The following COA1 variants were observed in gnomAD, a reference collection of about 807,000 sequenced individuals.
COA1 encodes the protein cytochrome c oxidase assembly factor 1.
A neutral mutation model predicts 16.0 loss-of-function variants in COA1; 13 were observed. The observed-to-expected ratio is 0.81, with a 90% confidence interval of 0.53 to 1.29. The LOEUF is 1.29. COA1 is among the 50% of genes most tolerant of loss of function. The probability of loss-of-function intolerance (pLI) is 0.00; values close to 1 mark genes in which losing one functional copy is unlikely to be tolerated. For missense variants in COA1, 179 were observed against 177.0 expected (o/e 1.01, Z -0.06); for synonymous variants, 65 against 65.7 (o/e 0.99, Z 0.05).
chr7:43,682,276 GA>G (rs1468598682), intron 1 of COA1, among the ~76,000 whole-genome samples: 7 of 152,130 alleles, frequency 4.6e-5, no homozygotes, highest in Non-Finnish European at 1.0e-4. Context: ...GTAGTTAGTA[GA>G]AACAACTTTA....
intron 1 of COA1, among the ~76,000 whole-genome samples, chr7:43,667,406 A>T (rs908218298): frequency 3.3e-5 from 5 of 152,224 alleles, no homozygotes; most frequent in African/African-American, 1.2e-4. Context: ...ATTTTGGTGA[A>T]TACTAATATA....
intron 3 of COA1, chr7:43,647,203 C>T (rs1170934524): frequency 2.2e-5 from 8 of 371,028 alleles, no homozygotes; most frequent in Non-Finnish European, 2.4e-5. Context: ...TGTGAACCAT[C>T]TGGTATTCCC....
At chr7:43,686,130 T>C (rs1319679287) in intron 1 of COA1, among the ~76,000 whole-genome samples, 2 of 152,226 alleles carry the variant, frequency 1.3e-5, no homozygotes, top group African/African-American at 4.8e-5. Flanking sequence ...CTTTACCAGC[T>C]TAACTTTATT....
chr7:43,709,187 C>T (rs1439345523), intron 1 of COA1, among the ~76,000 whole-genome samples: 1 of 151,968 alleles, frequency 6.6e-6, no homozygotes, highest in Non-Finnish European at 1.5e-5. Context: ...CCACACCTGG[C>T]TAATTTTTTG....
At chr7:43,714,676 G>A (rs2095345942) in intron 1 of COA1, among the ~76,000 whole-genome samples, 1 of 150,628 alleles carries the variant, frequency 6.6e-6, no homozygotes, top group African/African-American at 2.4e-5. Context: ...AAAATGATTT[G>A]TATCTGACAC....
chr7:43,714,059 C>T (rs935240940), intron 1 of COA1, among the ~76,000 whole-genome samples: 4 of 151,790 alleles, frequency 2.6e-5, no homozygotes, highest in African/African-American at 9.7e-5. Flanking sequence ...TAGCCAGGCA[C>T]GGTGGTATGC....
chr7:43,619,576 C>T (rs769242964), intron 6 of COA1: 13 of 1,605,522 alleles, frequency 8.1e-6, no homozygotes, highest in East Asian at 2.2e-5. Flanking sequence ...TTGATTTTTG[C>T]GGGGGTGTAT....
At chr7:43,673,037 G>C (rs914984816) in intron 1 of COA1, among the ~76,000 whole-genome samples, 5 of 152,088 alleles carry the variant, frequency 3.3e-5, no homozygotes, top group Non-Finnish European at 5.9e-5. Context: ...TAAAGACTTA[G>C]ATGTAAAACC....
At chr7:43,635,034 G>A (rs1311457400), downstream of COA1, among the ~76,000 whole-genome samples, 1 of 152,116 alleles carries the variant, frequency 6.6e-6, no homozygotes, top group Non-Finnish European at 1.5e-5. Flanking sequence ...AGCGAGAAGT[G>A]TGTCTACTCT....
At chr7:43,647,753 G>A (rs1046564848) in intron 2 of COA1, 119 bp from the exon 3 acceptor site, 12 of 709,568 alleles carry the variant, frequency 1.7e-5, no homozygotes, top group Admixed American at 8.3e-5. Context: ...AGGCCAGACC[G>A]CCCTCCCTCA....
At chr7:43,714,729 T>G (rs1257227701) in intron 1 of COA1, among the ~76,000 whole-genome samples, 4 of 151,146 alleles carry the variant, frequency 2.6e-5, no homozygotes, top group African/African-American at 9.7e-5. Context: ...AACAATAGGG[T>G]GGGCACAGTG....
chr7:43,699,730 A>C (rs1318915894), intron 1 of COA1, among the ~76,000 whole-genome samples: 1 of 152,222 alleles, frequency 6.6e-6, no homozygotes, highest in Non-Finnish European at 1.5e-5. Context: ...TATCATCAAC[A>C]GTATCATTTC....
chr7:43,669,132 C>G (rs1369936228), intron 1 of COA1, among the ~76,000 whole-genome samples: 1 of 152,180 alleles, frequency 6.6e-6, no homozygotes, highest in Non-Finnish European at 1.5e-5. Flanking sequence ...TTCGATGCCC[C>G]TTCTCAGCAG....
At chr7:43,648,070 C>T (rs1271009919) in intron 2 of COA1, 1 of 196,124 alleles carries the variant, frequency 5.1e-6, no homozygotes, top group Non-Finnish European at 1.0e-5. Flanking sequence ...CTGTCACTGG[C>T]TCCTTTCATA....
intron 6 of COA1, among the ~76,000 whole-genome samples, chr7:43,620,044 A>C (rs1394866761): frequency 1.3e-5 from 2 of 152,172 alleles, no homozygotes; most frequent in African/African-American, 4.8e-5. Context: ...ACAAGTAAGG[A>C]CCTTTAAGGA....
intron 6 of COA1, chr7:43,624,768 C>G: frequency 6.2e-7 from 1 of 1,613,184 alleles, no homozygotes; most frequent in Non-Finnish European, 8.5e-7. Context: ...GAAAATGGAG[C>G]AAAAGGCCAT....
At chr7:43,615,866 T>C (rs1460452626) in intron 6 of COA1, among the ~76,000 whole-genome samples, 3 of 152,176 alleles carry the variant, frequency 2.0e-5, no homozygotes, top group South Asian at 2.1e-4. Context: ...TTTTTAACAT[T>C]GTCCTCTCCT....
chr7:43,728,768 C>T (rs1334575689), intron 1 of COA1, among the ~76,000 whole-genome samples: 1 of 152,176 alleles, frequency 6.6e-6, no homozygotes, highest in Non-Finnish European at 1.5e-5. Context: ...AGAAATAAAG[C>T]AATAGCCCTC....
At chr7:43,646,538 G>A (rs1158439385) in intron 3 of COA1, 2 of 456,400 alleles carry the variant, frequency 4.4e-6, no homozygotes, top group Admixed American at 2.3e-5. Flanking sequence ...ATTCAACCCA[G>A]GCAGTCGGCT....
Sources: gnomAD v4.1 joint callset for allele counts (sites outside exome capture counted in the v4.1 genomes callset) on GRCh38, gnomAD v4.1.1 for gene constraint, MANE v1.5 for transcripts, NCBI Gene and HGNC (gene_info 2026-07-23, HGNC 2026-07-21) for gene names.